Variants in ITGB4 observed in about 807,000 individuals in gnomAD.
ITGB4 encodes integrin subunit beta 4, also known as integrin beta-4.
Under a neutral mutation model 207.6 loss-of-function variants are expected in ITGB4, and 159 were observed. The observed-to-expected ratio is 0.77, with a 90% CI of 0.67 to 0.87. The LOEUF is 0.87. ITGB4 is among the 40% of genes least tolerant of loss of function. The pLI is 0.00. For missense variants in ITGB4, 2,278 were observed against 2,546.8 expected (o/e 0.89, Z 2.27); for synonymous variants, 1,020 against 1,062.7 (o/e 0.96, Z 0.78).
At position 75,728,382 on chromosome 17, in the gene ITGB4, G is replaced by A; in HGVS notation, c.475G>A (p.Val159Ile). 6.2e-7 allele frequency: 1 copy of A among 1,614,006 alleles called. No homozygotes were observed. The highest frequency in any genetic ancestry group is 8.5e-7 in the Non-Finnish European group (1 of 1,179,924). ...LKKMGQNLARVLSQLTSDYTI... is the reference protein window; with the variant it reads ...LKKMGQNLARILSQLTSDYTI... ...TCTGTCCTTTTGACATCCAGCTCGGGTCCTGAGCCAGCTCACCAGCGACTA... is the reference window on the plus strand; with the variant it reads ...TCTGTCCTTTTGACATCCAGCTCGGATCCTGAGCCAGCTCACCAGCGACTA... The change falls in exon 6 of 40, where the codon GTC (valine) becomes ATC (isoleucine). Residue 159 changes from valine (V) to isoleucine (I), a missense_variant. By Grantham distance (29) the Val-to-Ile change is conservative (BLOSUM62 3). Coordinates refer to ENST00000200181, the MANE Select transcript of ITGB4 (RefSeq NM_000213.5).
chr17:75,732,991 G>A lies in ITGB4; in HGVS notation c.1455-499G>A, dbSNP rs1013686687. On this transcript the variant is annotated intron_variant, in intron 12 of 39. Transcript: ENST00000200181. The surrounding 1 kb of genome is among the most constrained non-coding windows in gnomAD (Gnocchi z 5.3). ...TAATCCCAGCTACTCGGGAGGCTGA[G>A]GCAGAATTGCTTGCACCTAGAAGGC... 6.6e-6 allele frequency among the ~76,000 whole-genome samples: 1 copy of A among 152,168 alleles called. No individual in the cohort carries two copies. The highest frequency in any genetic ancestry group is 2.4e-5 in the African/African-American group (1 of 41,430).
chr17:75,753,577 C>A (rs2061416539), intron 32 of ITGB4, among the ~76,000 whole-genome samples, 188 bp from the exon 33 acceptor site: 1 of 152,188 alleles, frequency 6.6e-6, no homozygotes, highest in Non-Finnish European at 1.5e-5. Flanking sequence ...TTCAGCCGCG[C>A]AAGGGTTTCA....
In ITGB4 at chr17:75,727,330, G is replaced by T; in HGVS notation, c.162+53G>T. The T allele has an allele frequency of 6.2e-7, 1 of 1,612,680 alleles. No individual in the cohort carries two copies. The highest frequency in any genetic ancestry group is 1.1e-5 in the South Asian group (1 of 90,956). On this transcript the variant is annotated intron_variant, in intron 3 of 39. Transcript: ENST00000200181. This position sits in a 1 kb window ranked among gnomAD's most constrained non-coding sequence, Gnocchi z 6.0. ...AACAGGCAAGGGTCGGGAATAGCTGGTGGAAATGAATCTAGGGTTGGGGCA... is the reference window on the plus strand; with the variant it reads ...AACAGGCAAGGGTCGGGAATAGCTGTTGGAAATGAATCTAGGGTTGGGGCA...
intron 23 of ITGB4, among the ~76,000 whole-genome samples, chr17:75,741,809 A>G (rs2061116907): frequency 6.6e-6 from 1 of 151,618 alleles, no homozygotes; most frequent in African/African-American, 2.4e-5. Context: ...CCGTCTTGAA[A>G]AAAAAAAAAA....
At position 75,731,224 on chromosome 17, in the gene ITGB4, A is replaced by T. The variant is rs754774133; in HGVS notation, c.1093-22A>T. The T allele has an allele frequency of 1.2e-6, 2 of 1,613,102 alleles. No homozygotes were observed. Among genetic ancestry groups the T allele is most frequent in the Non-Finnish European group, 8.5e-7 (1 of 1,179,998 alleles). ...CACAGAGGCCCCCCACAGAGCACTG[A>T]TCAACCTCCTTCCTCCTTTAGCGGA... On this transcript the variant is annotated intron_variant, in intron 9 of 39. Coordinates refer to ENST00000200181, the MANE Select transcript of ITGB4 (RefSeq NM_000213.5). This position sits in a 1 kb window ranked among gnomAD's most constrained non-coding sequence, Gnocchi z 6.8.
intron 34 of ITGB4, 127 bp from the exon 35 acceptor site, chr17:75,755,572 AGT>A: frequency 8.5e-7 from 1 of 1,179,398 alleles, no homozygotes; most frequent in South Asian, 1.3e-5. Flanking sequence ...TTGCAGGGTG[AGT>A]GAGTTGTCCA....
chr17:75,732,289 G>C lies in ITGB4; in HGVS notation c.1454+50G>C. On this transcript the variant is annotated intron_variant, in intron 12 of 39. Coordinates refer to ENST00000200181, the MANE Select transcript of ITGB4 (RefSeq NM_000213.5). The surrounding 1 kb of genome is among the most constrained non-coding windows in gnomAD (Gnocchi z 5.3). The stretch of plus-strand genomic sequence containing the variant: ...CCCAGGACACCAGTGGCCCCTGATG[G>C]GAAAGCTGGGCTCCTGCAGGGGCCT... 6.4e-7 allele frequency: 1 copy of C among 1,568,312 alleles called. No individual in the cohort carries two copies. Among genetic ancestry groups the C allele is most frequent in the Non-Finnish European group, 8.8e-7 (1 of 1,139,012 alleles).
In ITGB4 at chr17:75,750,060, G is replaced by A. The variant is rs754081219; in HGVS notation, c.3317-51G>A. On this transcript the variant is annotated intron_variant, in intron 27 of 39. Transcript: ENST00000200181. This position sits in a 1 kb window ranked among gnomAD's most constrained non-coding sequence, Gnocchi z 5.5. Reference sequence around the variant, plus strand: ...TTGAAGTGGGTCTCTGGCGCCCCCTGGTGGTGAAGGGGGATCTGAGTGGTT... The same window carrying A: ...TTGAAGTGGGTCTCTGGCGCCCCCTAGTGGTGAAGGGGGATCTGAGTGGTT... 1 of 1,608,918 alleles carries A rather than the reference G, an allele frequency of 6.2e-7. No individual in the cohort carries two copies. The highest frequency in any genetic ancestry group is 1.7e-5 in the Admixed American group (1 of 59,964).
intron 13 of ITGB4, among the ~76,000 whole-genome samples, chr17:75,734,109 TTTG>T (rs1163326551): frequency 5.3e-5 from 8 of 151,640 alleles, no homozygotes; most frequent in Non-Finnish European, 7.4e-5. Flanking sequence ...CTGTGGGTTT[TTTG>T]TTGTTGTTGC....
chr17:75,729,274 G>A lies in ITGB4; in HGVS notation c.576G>A (p.Glu192=), dbSNP rs1308644607. The change falls in exon 7 of 40, where the codon GAG becomes GAA. Residue 192 remains glutamate, a synonymous_variant. Transcript: ENST00000200181. This position sits in a 1 kb window ranked among gnomAD's most constrained non-coding sequence, Gnocchi z 4.4. The stretch of plus-strand genomic sequence containing the variant: ...TCCCACCTCTGCCCAGGCTGAAGGA[G>A]CCCTGGCCCAACAGTGACCCCCCCT... ...QTDMRPEKLK[E]PWPNSDPPFS... is the part of the protein sequence containing the mutation. 2 of 1,614,048 alleles carry A rather than the reference G, an allele frequency of 1.2e-6. No individual in the cohort carries two copies. Among genetic ancestry groups the A allele is most frequent in the Admixed American group, 1.7e-5 (1 of 60,002 alleles).
intron 12 of ITGB4, 110 bp from the exon 13 acceptor site, chr17:75,733,380 C>A (rs567221023): frequency 1.1e-5 from 10 of 881,532 alleles, no homozygotes; most frequent in South Asian, 2.1e-5. Context: ...GGCGAGACTC[C>A]GTCTCAAAAA....
chr17:75,733,698 C>T lies in ITGB4; in HGVS notation c.1657+6C>T, dbSNP rs375483669. On this transcript the variant is annotated splice_donor_region_variant and intron_variant, in intron 13 of 39. Transcript: ENST00000200181. ...TTCCGGGTTCCTCTGCAATGGTGAG[C>T]ACAACAACTGCGGCCAATGCTGATG... 12 of 1,613,434 alleles carry T rather than the reference C, an allele frequency of 7.4e-6. No homozygotes were observed. Among genetic ancestry groups the T allele is most frequent in the East Asian group, 6.7e-5 (3 of 44,904 alleles).
rs770913424 is a variant in ITGB4, at chr17:75,730,488, C to A, written c.986C>A (p.Ser329Tyr). ...CCCATCTTTGCTGTCACCAACTACT[C>A]CTATAGCTACTACGAGGTGCGGGGC... ...IIPIFAVTNY[S>Y]YSYYEKLHTY... The change falls in exon 8 of 40, where the codon TCC (serine) becomes TAC (tyrosine). Residue 329 changes from serine to tyrosine, a missense_variant. Physicochemically the swap from Ser to Tyr is moderately radical, Grantham distance 144. Transcript: ENST00000200181. 1 of 1,613,724 alleles carries A rather than the reference C, an allele frequency of 6.2e-7. No individual in the cohort carries two copies. The highest frequency in any genetic ancestry group is 1.3e-5 in the African/African-American group (1 of 74,894).
rs2061450259 is a variant in ITGB4, at chr17:75,754,811, C to T, written c.4554C>T (p.Ser1518=). The T allele has an allele frequency of 1.2e-6, 2 of 1,614,082 alleles. No homozygotes were observed. The highest frequency in any genetic ancestry group is 4.5e-5 in the East Asian group (2 of 44,884). The change falls in exon 34 of 40, where the codon TCC becomes TCT. Residue 1518 remains serine, a synonymous_variant. Transcript: ENST00000200181. Reference sequence around the variant, plus strand: ...ACTCCACCCTCACCTCCGTCTCCTCCCACGGTGAGTGACCTCAGCCAACCC... The same window carrying T: ...ACTCCACCCTCACCTCCGTCTCCTCTCACGGTGAGTGACCTCAGCCAACCC... ...RDYSTLTSVS[S]HDSRLTAGVP... is the part of the protein sequence containing the mutation.
In ITGB4 at chr17:75,753,931, G is replaced by A. The variant is rs1203056316; in HGVS notation, c.4275G>A (p.Lys1425=). 2.3e-6 allele frequency: 3 copies of A among 1,283,964 alleles called. No homozygotes were observed. Among genetic ancestry groups the A allele is most frequent in the Non-Finnish European group, 2.9e-6 (3 of 1,021,912 alleles). 79.5% of individuals were successfully genotyped at this position (1,283,964 alleles called of 1,614,324 possible). The part of the protein sequence containing the change: ...GPPDDGGAGG[K]GGSLPRSATP... ...CGGACGACGGCGGCGCGGGCGGGAAGGGCGGCAGCCTGCCCCGCAGTGCGA... is the reference window on the plus strand; with the variant it reads ...CGGACGACGGCGGCGCGGGCGGGAAAGGCGGCAGCCTGCCCCGCAGTGCGA... The change falls in exon 33 of 40, where the codon AAG becomes AAA. Residue 1425 remains lysine (K), a synonymous_variant. Transcript: ENST00000200181.
intron 1 of ITGB4, among the ~76,000 whole-genome samples, chr17:75,723,097 T>C (rs820165): frequency 0.98 from 148,701 of 152,330 alleles, 72,694 homozygotes; most frequent in East Asian, 1. Flanking sequence ...ATTTTGTAGC[T>C]TCTGCGTGGA....
intron 26 of ITGB4, 133 bp downstream of exon 26, chr17:75,743,994 C>G: frequency 9.9e-7 from 1 of 1,005,548 alleles, no homozygotes; most frequent in South Asian, 1.6e-5. Context: ...GCTGGCCTCC[C>G]AAGGACACGT....
At chr17:75,754,061 CG>C in intron 33 of ITGB4, 87 bp downstream of exon 33, 6 of 609,954 alleles carry the variant, frequency 9.8e-6, no homozygotes, top group South Asian at 1.1e-4. Context: ...TGCGCTGCCT[CG>C]GGGGCCCCAG....
At chr17:75,741,127 C>A in intron 23 of ITGB4, 122 bp downstream of exon 23, 2 of 1,139,608 alleles carry the variant, frequency 1.8e-6, no homozygotes, top group South Asian at 1.3e-5. Context: ...TCAGATGTGT[C>A]CGTCAGGTTC....
Sources: allele counts gnomAD v4.1 joint callset (sites outside exome capture counted in the v4.1 genomes callset), GRCh38; gene constraint gnomAD v4.1.1; non-coding constraint Gnocchi (gnomAD v3.1); transcripts MANE v1.5; gene names NCBI Gene and HGNC (gene_info 2026-07-23, HGNC 2026-07-21).